CEP89: variants seen among roughly 807,000 people sequenced by gnomAD.
The protein encoded by CEP89 is centrosomal protein of 89 kDa.
CEP89 carries 95 observed loss-of-function variants against 97.6 expected under a neutral mutation model. That is an observed-to-expected ratio of 0.97 (90% confidence interval 0.82 to 1.15). The LOEUF is 1.15. Ranked by LOEUF, CEP89 falls within the 50% of genes most tolerant of loss-of-function variation. The pLI is 0.00. For missense variants in CEP89, 869 were observed against 947.7 expected (o/e 0.92, Z 1.09); for synonymous variants, 354 against 349.1 (o/e 1.01, Z -0.16).
chr19:32,938,577 A>G (rs1178823148), intron 6 of CEP89, among the ~76,000 whole-genome samples: 1 of 152,212 alleles, frequency 6.6e-6, no homozygotes, highest in Non-Finnish European at 1.5e-5. Context: ...GAAATGTTTA[A>G]TTTTTAAGTT....
chr19:32,894,979 T>C (rs1310187585), intron 16 of CEP89, among the ~76,000 whole-genome samples: 1 of 152,168 alleles, frequency 6.6e-6, no homozygotes, highest in African/African-American at 2.4e-5. Context: ...GATTGAATCA[T>C]TAATAAAAAG....
chr19:32,933,747 C>CA, intron 7 of CEP89, 78 bp from the exon 8 acceptor site: 3 of 953,406 alleles, frequency 3.1e-6, no homozygotes, highest in Middle Eastern at 3.0e-4. Context: ...GACTTTGTTC[C>CA]AAAAACCACA....
At chr19:32,900,235 T>C (rs1255492527) in intron 15 of CEP89, among the ~76,000 whole-genome samples, 3 of 143,534 alleles carry the variant, frequency 2.1e-5, no homozygotes, top group South Asian at 2.3e-4. Flanking sequence ...TGTCTAACAA[T>C]GAATAGGTTC....
intron 3 of CEP89, among the ~76,000 whole-genome samples, chr19:32,959,261 A>G (rs1452925753): frequency 1.3e-5 from 2 of 150,968 alleles, no homozygotes; most frequent in Non-Finnish European, 2.9e-5. Context: ...CCTGTGTCAC[A>G]CTCCCTCGTT....
intron 14 of CEP89, among the ~76,000 whole-genome samples, chr19:32,912,915 G>A (rs1468026691): frequency 1.3e-5 from 2 of 151,332 alleles, no homozygotes; most frequent in African/African-American, 4.8e-5. Flanking sequence ...GGTGGTGGGC[G>A]CCTGTAGTCC....
chr19:32,890,631 G>A (rs896068396), intron 16 of CEP89, among the ~76,000 whole-genome samples: 1 of 152,108 alleles, frequency 6.6e-6, no homozygotes, highest in African/African-American at 2.4e-5. Context: ...GGTCTTGGTC[G>A]GGAGCCTGGA....
intron 12 of CEP89, among the ~76,000 whole-genome samples, chr19:32,921,334 G>A (rs953547283): frequency 1.1e-4 from 16 of 152,272 alleles, no homozygotes; most frequent in African/African-American, 2.2e-4. Flanking sequence ...TACCGAGAGC[G>A]GCAAGGTCTG....
intron 4 of CEP89, 40 bp from the exon 5 acceptor site, chr19:32,948,408 A>T (rs1404450150): frequency 2.3e-6 from 3 of 1,327,056 alleles, no homozygotes; most frequent in Non-Finnish European, 3.2e-6. Flanking sequence ...AAAGTGAGAA[A>T]GGTAACCTTT....
chr19:32,897,470 A>T (rs1418456359), intron 16 of CEP89, among the ~76,000 whole-genome samples: 1 of 152,214 alleles, frequency 6.6e-6, no homozygotes, highest in South Asian at 2.1e-4. Context: ...GCAATGAGGA[A>T]GAGAACTAAC....
rs148964138 is a variant in CEP89 at position 32,920,628 on chromosome 19, C to T, written c.1269-2289G>A. Among the ~76,000 whole-genome samples, 165 of 152,052 alleles carry T rather than the reference C, an allele frequency of 1.1e-3. 1 individual carries two copies. The East Asian group carries it at 0.024, about 22-fold the overall frequency. Reference sequence around the variant, plus strand: ...GCTCCTGAGTAGCTGGGATTACAGGCGTGCACCACCACACCTGGCTATTTT... The same window carrying T: ...GCTCCTGAGTAGCTGGGATTACAGGTGTGCACCACCACACCTGGCTATTTT... On this transcript the variant is annotated intron_variant, in intron 12 of 18. Transcript: ENST00000305768.
At chr19:32,918,146 CCGG>C in intron 13 of CEP89, 75 bp downstream of exon 13, 1 of 1,224,296 alleles carries the variant, frequency 8.2e-7, no homozygotes, top group Non-Finnish European at 1.2e-6. Context: ...ACTGGGGCCC[CCGG>C]CAGGAGAGAG....
At chr19:32,902,745 G>A (rs571065963) in intron 14 of CEP89, among the ~76,000 whole-genome samples, 21 of 152,288 alleles carry the variant, frequency 1.4e-4, no homozygotes, top group South Asian at 1.0e-3. Context: ...GGCGTTTCAC[G>A]GAGCGAGAAA....
In CEP89 at chr19:32,923,492, AT is replaced by A; in HGVS notation, c.1214del (p.Asn405MetfsTer8). The A allele has an allele frequency of 6.2e-7, 1 of 1,611,160 alleles. No homozygotes were observed. Among genetic ancestry groups the A allele is most frequent in the Non-Finnish European group, 8.5e-7 (1 of 1,177,598 alleles). ...TATTTAACTCTTGGTGCAATTCTTC[AT>A]TTTCTTTCACCACTTCTTGGACTCG... The part of the protein sequence containing the change: ...RMRVQEVVKE[N>X]EELHQELNKS... On this transcript the variant is annotated frameshift_variant, in exon 12 of 19. Coordinates refer to ENST00000305768, the MANE Select transcript of CEP89 (RefSeq NM_032816.5). LOFTEE classifies it high-confidence loss of function.
chr19:32,926,573 C>T (rs1344059225), intron 10 of CEP89, among the ~76,000 whole-genome samples: 3 of 152,132 alleles, frequency 2.0e-5, no homozygotes, highest in Non-Finnish European at 4.4e-5. Flanking sequence ...GAATGAGCTC[C>T]GTTGCCCGAA....
chr19:32,925,485 CTTTTTTTTTTT>C (rs67751450), intron 11 of CEP89, among the ~76,000 whole-genome samples: 1 of 120,128 alleles, frequency 8.3e-6, no homozygotes, highest in Non-Finnish European at 1.7e-5. Flanking sequence ...CCAAATAGCC[CTTTTTTTTTTT>C]TTTTTTTTTT....
intron 16 of CEP89, among the ~76,000 whole-genome samples, chr19:32,895,975 A>G (rs1969632063): frequency 1.3e-5 from 2 of 152,232 alleles, no homozygotes; most frequent in Non-Finnish European, 2.9e-5. Context: ...GCTGATTCAA[A>G]CTAATGGAAA....
At chr19:32,906,076 T>C (rs1969881970) in intron 14 of CEP89, among the ~76,000 whole-genome samples, 1 of 152,224 alleles carries the variant, frequency 6.6e-6, no homozygotes, top group Non-Finnish European at 1.5e-5. Context: ...CCTTTTACTT[T>C]TGACCTTTCT....
chr19:32,932,054 G>A (rs1170916772), intron 8 of CEP89, among the ~76,000 whole-genome samples: 2 of 151,778 alleles, frequency 1.3e-5, no homozygotes, highest in African/African-American at 4.8e-5. Context: ...AATGGCGGGC[G>A]CCTATATTCC....
At chr19:32,913,375 T>C (rs576103601) in intron 14 of CEP89, among the ~76,000 whole-genome samples, 1 of 151,230 alleles carries the variant, frequency 6.6e-6, no homozygotes, top group Non-Finnish European at 1.5e-5. Flanking sequence ...CTCAAACTCC[T>C]AGGCTCAAGC....
Sources: allele counts gnomAD v4.1 joint callset (sites outside exome capture counted in the v4.1 genomes callset), GRCh38; gene constraint gnomAD v4.1.1; transcripts MANE v1.5; gene names NCBI Gene and HGNC (gene_info 2026-07-23, HGNC 2026-07-21).